Variants in SPDYC observed in about 807,000 individuals in gnomAD.
SPDYC encodes speedy protein C.
In SPDYC, 25 loss-of-function variants were observed where a neutral mutation model predicts 33.9. The ratio of observed to expected loss-of-function variants is 0.74; its 90% CI spans 0.54 to 1.03. The LOEUF (loss-of-function observed/expected upper bound fraction) is 1.03. Among genes scored for constraint, SPDYC ranks in the 50% least tolerant of loss-of-function variants. The probability of loss-of-function intolerance (pLI) is 0.00; values close to 1 mark genes in which losing one functional copy is unlikely to be tolerated. For missense variants in SPDYC, 349 were observed against 382.9 expected, an observed-to-expected ratio of 0.91 and a Z score of 0.74; for synonymous variants, 133 against 140.2, an observed-to-expected ratio of 0.95 and a Z score of 0.36.
Position 65,171,500 on chromosome 11 carries a change from G to A in SPDYC, c.199+1G>A, listed in dbSNP as rs767450469. 1 of 1,567,202 alleles carries A rather than the reference G, an allele frequency of 6.4e-7. No homozygotes were observed. Among genetic ancestry groups the A allele is most frequent in the Non-Finnish European group, 8.6e-7 (1 of 1,158,900 alleles). On this transcript the variant is annotated splice_donor_variant, in intron 2 of 6. Coordinates refer to ENST00000377185, the Ensembl canonical transcript of SPDYC. LOFTEE classifies it high-confidence loss of function. The stretch of plus-strand genomic sequence containing the variant: ...GTCCAGGCCTTCCTCAGCCTTCTGG[G>A]TGAGTTTGGAGGGCTGGCACGGGAG...
At chr11:65,172,779 C>T (rs757918056) in exon 6 of SPDYC, 2 of 1,614,032 alleles carry the variant, frequency 1.2e-6, no homozygotes, top group South Asian at 1.1e-5. Flanking sequence ...TCCCTGTTCG[C>T]CTTCCCCGGG....
chr11:65,173,231 G>A, exon 7 of SPDYC: 3 of 1,613,396 alleles, frequency 1.9e-6, no homozygotes, highest in Non-Finnish European at 2.5e-6. Context: ...TCTGCAGGGT[G>A]AAGAACAGCA....
At chr11:65,171,216 C>T in intron 1 of SPDYC, 111 bp from the exon 2 acceptor site, 3 of 1,203,716 alleles carry the variant, frequency 2.5e-6, no homozygotes, top group Non-Finnish European at 3.4e-6. Context: ...CTGTTCTGAG[C>T]CCCCAAGTCT....
At chr11:65,172,791 C>A (rs756491320) in exon 6 of SPDYC, 2 of 1,614,040 alleles carry the variant, frequency 1.2e-6, no homozygotes, top group South Asian at 2.2e-5. Context: ...TTCCCCGGGG[C>A]CCTGGCCTCT....
intron 4 of SPDYC, 51 bp from the exon 5 acceptor site, chr11:65,172,383 A>G (rs1228315069): frequency 6.2e-7 from 1 of 1,614,050 alleles, no homozygotes. Flanking sequence ...GTCAGATGGG[A>G]CAGGGCAGAT....
rs1470831184 is a variant in SPDYC, at chr11:65,171,658, A to C, written c.199+159A>C. 2.0e-5 allele frequency among the ~76,000 whole-genome samples: 3 copies of C among 152,116 alleles called. No homozygotes were observed. The South Asian group carries it at 6.2e-4, about 32-fold the overall frequency. ...CAGGTGGGAGGGGTGTCCTCTCAGA[A>C]ACTGGATTCAGGGCCAGGCACCGTG... is the stretch of plus-strand genomic sequence containing the variant. On this transcript the variant is annotated intron_variant, in intron 2 of 6. Coordinates refer to ENST00000377185, the Ensembl canonical transcript of SPDYC.
chr11:65,170,248 A>T, exon 1 of SPDYC: 2 of 1,579,098 alleles, frequency 1.3e-6, no homozygotes, highest in South Asian at 2.3e-5. Flanking sequence ...GCTCTGGGCC[A>T]TTCCTGAGCT....
chr11:65,172,185 T>G (rs977990491), intron 3 of SPDYC, 61 bp from the exon 4 acceptor site: 2 of 1,596,158 alleles, frequency 1.3e-6, no homozygotes, highest in Non-Finnish European at 1.7e-6. Flanking sequence ...CAAATGAACC[T>G]GGGTGCAAGC....
exon 1 of SPDYC, chr11:65,170,240 T>G: frequency 1.3e-6 from 2 of 1,579,022 alleles, no homozygotes; most frequent in Non-Finnish European, 1.7e-6. Flanking sequence ...GGTGTTATGC[T>G]CTGGGCCATT....
chr11:65,170,293 C>A (rs1172339749), intron 1 of SPDYC, 32 bp downstream of exon 1: 2 of 1,563,050 alleles, frequency 1.3e-6, no homozygotes, highest in African/African-American at 1.4e-5. Context: ...GGCTGGGTTG[C>A]TTGCGGGCGC....
At chr11:65,172,964 T>C (rs1565375397) in exon 6 of SPDYC, 17 of 1,613,824 alleles carry the variant, frequency 1.1e-5, no homozygotes, top group Non-Finnish European at 1.3e-5. Flanking sequence ...GACTTTCTCA[T>C]CGTCTTGCCT....
intron 3 of SPDYC, 31 bp downstream of exon 3, chr11:65,172,032 G>A (rs771897727): frequency 1.9e-6 from 3 of 1,611,870 alleles, no homozygotes; most frequent in South Asian, 2.2e-5. Flanking sequence ...GGTCTCTTGA[G>A]GGTCAGGTTG....
chr11:65,170,990 G>C (rs1224184292), intron 1 of SPDYC, among the ~76,000 whole-genome samples: 2 of 152,128 alleles, frequency 1.3e-5, no homozygotes, highest in African/African-American at 4.8e-5. Context: ...TTGACGACCG[G>C]TCTGAGTTAA....
At position 65,171,415 on chromosome 11, in the gene SPDYC, G is replaced by T. The variant is rs765968360; in HGVS notation, c.115G>T (p.Gly39Trp). ...TGTAGTTACCACCCAGGTAGAGCTG[G>T]GGGGCTGCAGCCGGCAAGGTGGGGG... The change falls in exon 2 of 7, where the codon GGG (glycine) becomes TGG (tryptophan). Residue 39 changes from glycine (G) to tryptophan (W), a missense_variant. Coordinates refer to ENST00000377185, the Ensembl canonical transcript of SPDYC. The T allele has an allele frequency of 4.4e-6, 7 of 1,606,884 alleles. No homozygotes were observed. The Admixed American group carries it at 5.1e-5, about 12-fold the overall frequency.
chr11:65,171,603 C>A (rs1335659520), intron 2 of SPDYC, 104 bp downstream of exon 2: 9 of 1,289,944 alleles, frequency 7.0e-6, no homozygotes, highest in Non-Finnish European at 9.3e-6. Flanking sequence ...AGACCTCTGA[C>A]CCTCTCCCTC....
At chr11:65,170,951 C>T (rs1051716335) in intron 1 of SPDYC, among the ~76,000 whole-genome samples, 2 of 152,162 alleles carry the variant, frequency 1.3e-5, no homozygotes, top group African/African-American at 2.4e-5. Context: ...TTTTAACCGG[C>T]TGTTAGGCCT....
exon 3 of SPDYC, chr11:65,171,982 G>A (rs764367640): frequency 6.2e-7 from 1 of 1,614,064 alleles, no homozygotes; most frequent in Non-Finnish European, 8.5e-7. Flanking sequence ...AAAGACCCCT[G>A]CTTCCAGATT....
chr11:65,171,150 A>G (rs974489343), intron 1 of SPDYC, among the ~76,000 whole-genome samples, 177 bp from the exon 2 acceptor site: 2 of 151,802 alleles, frequency 1.3e-5, no homozygotes, highest in Admixed American at 1.3e-4. Context: ...CCTCACCTAT[A>G]GCAACTCTTT....
chr11:65,170,356 C>A (rs897228757), intron 1 of SPDYC, 95 bp downstream of exon 1: 2 of 1,293,548 alleles, frequency 1.5e-6, no homozygotes, highest in South Asian at 1.8e-5. Context: ...ACGTTCTCCT[C>A]GGCCCCGTGG....
Sources: allele counts gnomAD v4.1 joint callset (sites outside exome capture counted in the v4.1 genomes callset), GRCh38; gene constraint gnomAD v4.1.1; transcripts MANE v1.5; gene names NCBI Gene and HGNC (gene_info 2026-07-23, HGNC 2026-07-21).